Variants in MPC1 observed in about 807,000 individuals in gnomAD.
MPC1 encodes HSPC040 protein.
In MPC1, 6 loss-of-function variants were observed where a neutral mutation model predicts 13.9. The ratio of observed to expected loss-of-function variants is 0.43; its 90% CI spans 0.24 to 0.85. The LOEUF (loss-of-function observed/expected upper bound fraction) is 0.85, where lower values mean the gene tolerates loss of function less well. MPC1 is among the 40% of genes least tolerant of loss of function. The pLI, the probability that MPC1 is intolerant of heterozygous loss-of-function variation, is 0.24. For missense variants in MPC1, 115 were observed against 143.3 expected (o/e 0.80, Z 1.01); for synonymous variants, 47 against 50.5 (o/e 0.93, Z 0.29).
chr6:166,375,526 A>G (rs1009109362), intron 1 of MPC1, among the ~76,000 whole-genome samples: 1 of 150,904 alleles, frequency 6.6e-6, no homozygotes, highest in African/African-American at 2.4e-5. Flanking sequence ...TTTCTAATAC[A>G]TGCATCCAAT....
Position 166,366,794 on chromosome 6 carries a change from C to A in MPC1, c.172+1G>T, listed in dbSNP as rs768983029. The A allele has an allele frequency of 6.2e-7, 1 of 1,613,714 alleles. No homozygotes were observed. ...CCAATTATCCAAATCTGCATTCTTA[C>A]CAAATGTCATCCGCCCACTGATAAT... On this transcript the variant is annotated splice_donor_variant, in intron 3 of 4. Transcript: ENST00000360961. LOFTEE classifies it high-confidence loss of function.
intron 2 of MPC1, 176 bp from the exon 3 acceptor site, chr6:166,367,067 C>A: frequency 6.8e-7 from 1 of 1,472,562 alleles, no homozygotes; most frequent in Non-Finnish European, 9.0e-7. Flanking sequence ...TTGGATTGTC[C>A]AAGTGTTCCT....
At chr6:166,378,840 C>T (rs1274884707) in intron 1 of MPC1, among the ~76,000 whole-genome samples, 1 of 152,136 alleles carries the variant, frequency 6.6e-6, no homozygotes, top group South Asian at 2.1e-4. Context: ...ATAAATTGAA[C>T]ACTTACTTTT....
chr6:166,381,842 T>C, intron 1 of MPC1: 1 of 982,440 alleles, frequency 1.0e-6, no homozygotes, highest in African/African-American at 1.7e-5. Flanking sequence ...TCTTAAATTG[T>C]ACTTCCTCCC....
intron 1 of MPC1, among the ~76,000 whole-genome samples, chr6:166,376,670 T>C (rs556371783): frequency 3.9e-5 from 6 of 152,366 alleles, no homozygotes; most frequent in African/African-American, 1.4e-4. Context: ...AAATTAACCA[T>C]TGCATTTGTC....
At chr6:166,376,165 T>C (rs113467902) in intron 1 of MPC1, among the ~76,000 whole-genome samples, 58 of 23,516 alleles carry the variant, frequency 2.5e-3, no homozygotes, top group Non-Finnish European at 4.7e-3. Context: ...CGTGTGTGTG[T>C]GTGTGTGTGT....
At chr6:166,367,655 G>T (rs933442255) in intron 2 of MPC1, among the ~76,000 whole-genome samples, 1 of 152,166 alleles carries the variant, frequency 6.6e-6, no homozygotes, top group African/African-American at 2.4e-5. Flanking sequence ...ATAAAATAAG[G>T]CTTGTGGCTT....
At chr6:166,374,212 CA>C (rs757439671) in intron 1 of MPC1, among the ~76,000 whole-genome samples, 142 of 152,254 alleles carry the variant, frequency 9.3e-4, no homozygotes, top group Non-Finnish European at 1.7e-3. Flanking sequence ...AGGCTGGTCT[CA>C]AACTCTTGAC....
intron 1 of MPC1, among the ~76,000 whole-genome samples, chr6:166,370,489 T>C (rs902720968): frequency 2.6e-5 from 4 of 152,160 alleles, no homozygotes; most frequent in African/African-American, 9.7e-5. Flanking sequence ...AACTGTCCAA[T>C]AGAAATATAA....
intron 1 of MPC1, among the ~76,000 whole-genome samples, chr6:166,375,170 G>A (rs1473761021): frequency 1.3e-5 from 2 of 152,198 alleles, no homozygotes; most frequent in South Asian, 2.1e-4. Context: ...GGATGACTAA[G>A]TGACTAACAA....
At chr6:166,370,473 G>A (rs1779338417) in intron 1 of MPC1, 1 of 465,372 alleles carries the variant, frequency 2.1e-6, no homozygotes, top group Admixed American at 3.9e-5. Flanking sequence ...GCAATCCTTA[G>A]AGCAGAACTG....
chr6:166,369,081 G>A (rs1779277331), intron 2 of MPC1: 2 of 362,106 alleles, frequency 5.5e-6, no homozygotes, highest in South Asian at 1.1e-4. Flanking sequence ...GTAGCCTTGG[G>A]AGATTCCTGG....
intron 1 of MPC1, 113 bp from the exon 2 acceptor site, chr6:166,370,334 A>C: frequency 7.8e-6 from 5 of 640,232 alleles, no homozygotes; most frequent in South Asian, 3.7e-5. Flanking sequence ...CCTGTATTCA[A>C]ATTTCAGTAA....
chr6:166,380,339 G>A (rs968278562), intron 1 of MPC1, among the ~76,000 whole-genome samples: 2 of 152,192 alleles, frequency 1.3e-5, no homozygotes, highest in South Asian at 4.1e-4. Flanking sequence ...ACTTGCTGGG[G>A]ATCCTGGACT....
At chr6:166,377,807 A>G (rs1410294242) in intron 1 of MPC1, among the ~76,000 whole-genome samples, 1 of 152,220 alleles carries the variant, frequency 6.6e-6, no homozygotes, top group Non-Finnish European at 1.5e-5. Flanking sequence ...CCAGATATTA[A>G]GAGATTCTTA....
chr6:166,381,921 TC>T, intron 1 of MPC1: 1 of 655,180 alleles, frequency 1.5e-6, no homozygotes, highest in Non-Finnish European at 1.9e-6. Context: ...ATTTCCGCTG[TC>T]CCAGAAGCGC....
chr6:166,382,537 AC>A (rs1779837502), intron 1 of MPC1, among the ~76,000 whole-genome samples: 1 of 143,222 alleles, frequency 7.0e-6, no homozygotes, highest in Admixed American at 6.8e-5. Context: ...ACCCACTGTC[AC>A]CCCCGCCCTG....
At position 166,382,885 on chromosome 6, in the gene MPC1, C is replaced by G. The variant is rs370510209; in HGVS notation, c.-9G>C. On this transcript the variant is annotated 5_prime_UTR_variant, in exon 1 of 5. Transcript: ENST00000360961. ...ACCAACGCGCCCGCCATGGCTGTGC[C>G]GACACCAGACCCCGAGTGGTCCCTG... The G allele has an allele frequency of 1.5e-4, 247 of 1,594,418 alleles. No individual in the cohort carries two copies. Among genetic ancestry groups the G allele is most frequent in the Admixed American group, 2.4e-4 (14 of 58,408 alleles).
chr6:166,379,292 A>G (rs1193023657), intron 1 of MPC1, among the ~76,000 whole-genome samples: 2 of 152,170 alleles, frequency 1.3e-5, no homozygotes, highest in Non-Finnish European at 2.9e-5. Context: ...CTGGGAGTTC[A>G]AGGACAGCCT....
Sources: allele counts gnomAD v4.1 joint callset (sites outside exome capture counted in the v4.1 genomes callset), GRCh38; gene constraint gnomAD v4.1.1; transcripts MANE v1.5; gene names NCBI Gene and HGNC (gene_info 2026-07-23, HGNC 2026-07-21).